OSBPL10: variants seen among roughly 807,000 people sequenced by gnomAD.
OSBPL10 encodes oxysterol binding protein like 10.
A neutral mutation model predicts 81.7 loss-of-function variants in OSBPL10; 49 were observed. The observed-to-expected ratio is 0.60, with a 90% CI of 0.48 to 0.76. The LOEUF (loss-of-function observed/expected upper bound fraction) is 0.76. Among genes scored for constraint, OSBPL10 ranks in the 30% least tolerant of loss-of-function variants. OSBPL10 has a pLI of 0.00. For missense variants in OSBPL10, 923 were observed against 987.8 expected (o/e 0.93, Z 0.88); for synonymous variants, 419 against 383.6 (o/e 1.09, Z -1.08).
chr3:32,021,831 T>C (rs1329710119), intron 2 of OSBPL10, among the ~76,000 whole-genome samples: 2 of 151,656 alleles, frequency 1.3e-5, no homozygotes, highest in African/African-American at 4.8e-5. Context: ...CCAAAAAAAT[T>C]AGCTGGGCAT....
intron 3 of OSBPL10, among the ~76,000 whole-genome samples, chr3:31,857,816 A>AGGGGTTAGGGGAAG (rs1700960261): frequency 1.3e-4 from 1 of 7,788 alleles, no homozygotes; most frequent in Non-Finnish European, 2.9e-4. Context: ...GAGAGAGAGA[A>AGGGGTTAGGGGAAG]AGGGAGAGGG....
At chr3:31,867,319 C>T (rs535512289) in intron 3 of OSBPL10, among the ~76,000 whole-genome samples, 1 of 152,166 alleles carries the variant, frequency 6.6e-6, no homozygotes, top group African/African-American at 2.4e-5. Flanking sequence ...CTACATATAT[C>T]TACATTTTCT....
At chr3:31,945,547 T>C (rs1043463467) in intron 1 of OSBPL10, among the ~76,000 whole-genome samples, 1 of 152,204 alleles carries the variant, frequency 6.6e-6, no homozygotes, top group African/African-American at 2.4e-5. Context: ...CTCACACAAA[T>C]CTACATCTCT....
chr3:31,755,081 G>A (rs901689151), intron 4 of OSBPL10, among the ~76,000 whole-genome samples: 1 of 152,034 alleles, frequency 6.6e-6, no homozygotes, highest in African/African-American at 2.4e-5. Flanking sequence ...TCCTGCCTCT[G>A]GAGCCTCTAC....
At position 31,834,370 on chromosome 3, in the gene OSBPL10, G is replaced by T. The variant is rs577876804; in HGVS notation, c.538-4139C>A. Among the ~76,000 whole-genome samples the T allele has an allele frequency of 2.6e-5, 4 of 152,328 alleles. No individual in the cohort carries two copies. The South Asian group carries it at 8.3e-4, about 32-fold the overall frequency. ...AAGTTTCTTCATCCTTTGCTTAGGAGAATCGTCCCTCACACAGCCATCAGT... is the reference window on the plus strand; with the variant it reads ...AAGTTTCTTCATCCTTTGCTTAGGATAATCGTCCCTCACACAGCCATCAGT... On this transcript the variant is annotated intron_variant, in intron 3 of 11. Coordinates refer to ENST00000396556, the MANE Select transcript of OSBPL10 (RefSeq NM_017784.5).
chr3:31,757,313 T>C (rs1227032534), intron 4 of OSBPL10, among the ~76,000 whole-genome samples: 1 of 152,004 alleles, frequency 6.6e-6, no homozygotes, highest in Non-Finnish European at 1.5e-5. Flanking sequence ...AAAGGGGAAA[T>C]TTGGGCCAGG....
chr3:32,024,486 A>ATTTTTT (rs34141476), intron 2 of OSBPL10, among the ~76,000 whole-genome samples: 7 of 111,744 alleles, frequency 6.3e-5, no homozygotes, highest in Non-Finnish European at 6.8e-5. Flanking sequence ...TGTGAATGGA[A>ATTTTTT]TTTTTTTTTT....
At position 31,974,594 on chromosome 3, in the gene OSBPL10, G is replaced by A. The variant is rs537807440; in HGVS notation, c.281+6305C>T. Among the ~76,000 whole-genome samples, 4 of 152,216 alleles carry A rather than the reference G, an allele frequency of 2.6e-5. 1 individual carries two copies. The South Asian group carries it at 6.2e-4, about 24-fold the overall frequency. On this transcript the variant is annotated intron_variant, in intron 1 of 11. Coordinates refer to ENST00000396556, the MANE Select transcript of OSBPL10 (RefSeq NM_017784.5). ...ACCACAACTATACACAGAAACATGC[G>A]TAAGCCTCCCAAACATAACGTTAAG...
intron 7 of OSBPL10, among the ~76,000 whole-genome samples, chr3:31,697,480 G>A (rs1695761197): frequency 6.6e-6 from 1 of 151,678 alleles, no homozygotes; most frequent in African/African-American, 2.4e-5. Context: ...TAAAACAAAT[G>A]GCAATTAGTA....
At chr3:32,049,377 G>A (rs1699651699) in intron 1 of OSBPL10, among the ~76,000 whole-genome samples, 1 of 152,130 alleles carries the variant, frequency 6.6e-6, no homozygotes, top group Non-Finnish European at 1.5e-5. Context: ...GACATAGATT[G>A]CAGCACCAAT....
At chr3:31,885,995 C>CAAAA (rs397957994) in intron 1 of OSBPL10, among the ~76,000 whole-genome samples, 74 of 62,304 alleles carry the variant, frequency 1.2e-3, no homozygotes, top group African/African-American at 3.5e-3. Context: ...AACTCCATCT[C>CAAAA]AAAAAAAAAA....
intron 1 of OSBPL10, among the ~76,000 whole-genome samples, chr3:31,924,718 C>T (rs1242027421): frequency 1.3e-5 from 2 of 152,134 alleles, no homozygotes; most frequent in East Asian, 3.9e-4. Context: ...TTAGGCATCA[C>T]AAGCCATATG....
intron 1 of OSBPL10, among the ~76,000 whole-genome samples, chr3:31,928,759 C>T (rs1412377826): frequency 1.1e-5 from 1 of 94,156 alleles, no homozygotes; most frequent in Non-Finnish European, 1.8e-5. Context: ...TGAGACTTGT[C>T]TCCAAAAAAA....
intron 1 of OSBPL10, among the ~76,000 whole-genome samples, chr3:31,893,985 A>G (rs983846151): frequency 6.6e-6 from 1 of 152,248 alleles, no homozygotes; most frequent in Non-Finnish European, 1.5e-5. Context: ...TCAATTGTAT[A>G]CTTACAATGA....
chr3:31,955,607 A>C (rs1697986065), intron 1 of OSBPL10, among the ~76,000 whole-genome samples: 1 of 152,158 alleles, frequency 6.6e-6, no homozygotes, highest in African/African-American at 2.4e-5. Flanking sequence ...TCCTACACTC[A>C]ATCCTCTTCC....
intron 1 of OSBPL10, among the ~76,000 whole-genome samples, chr3:31,899,055 T>TACAGGTTTAAGC: frequency 7.0e-6 from 1 of 143,298 alleles, no homozygotes; most frequent in South Asian, 2.3e-4. Flanking sequence ...TCTGCCTCCC[T>TACAGGTTTAAGC]GCCTCAGCCT....
At chr3:31,844,362 A>G (rs1372048447) in intron 3 of OSBPL10, among the ~76,000 whole-genome samples, 2 of 152,256 alleles carry the variant, frequency 1.3e-5, no homozygotes, top group African/African-American at 4.8e-5. Context: ...ACAAATGTTT[A>G]TAGCAGCCCT....
intron 6 of OSBPL10, among the ~76,000 whole-genome samples, chr3:31,730,234 A>G (rs1696930509): frequency 6.6e-6 from 1 of 151,962 alleles, no homozygotes; most frequent in Non-Finnish European, 1.5e-5. Context: ...CCAGCTACTC[A>G]GGAGGCTGAG....
intron 3 of OSBPL10, among the ~76,000 whole-genome samples, chr3:31,865,573 T>C (rs1443297888): frequency 6.6e-6 from 1 of 152,100 alleles, no homozygotes; most frequent in Non-Finnish European, 1.5e-5. Flanking sequence ...CATTAGGAGG[T>C]GGGCCTTTGG....
Sources: allele counts gnomAD v4.1 joint callset (sites outside exome capture counted in the v4.1 genomes callset), GRCh38; gene constraint gnomAD v4.1.1; transcripts MANE v1.5; gene names NCBI Gene and HGNC (gene_info 2026-07-23, HGNC 2026-07-21).